GABRG2: variants seen among roughly 807,000 people sequenced by gnomAD.
GABRG2 encodes gamma-aminobutyric acid type A receptor subunit gamma2, also known as gamma-aminobutyric acid receptor subunit gamma-2.
A neutral mutation model predicts 56.4 loss-of-function variants in GABRG2; 16 were observed. The observed-to-expected ratio is 0.28, with a 90% CI of 0.19 to 0.43. The LOEUF is 0.43. Among genes scored for constraint, GABRG2 ranks in the 20% least tolerant of loss-of-function variants. The probability of loss-of-function intolerance (pLI) is 1.00; values close to 1 mark genes in which losing one functional copy is unlikely to be tolerated. For missense variants in GABRG2, 327 were observed against 582.7 expected, an observed-to-expected ratio of 0.56 and a Z score of 4.52; for synonymous variants, 208 against 205.5, an observed-to-expected ratio of 1.01 and a Z score of -0.10.
intron 7 of GABRG2, among the ~76,000 whole-genome samples, chr5:162,147,505 C>T (rs1765052758): frequency 6.6e-6 from 1 of 152,068 alleles, no homozygotes; most frequent in East Asian, 1.9e-4. Context: ...GCTGGGATTA[C>T]AGGCACCCAC....
intron 2 of GABRG2, 191 bp downstream of exon 2, chr5:162,094,170 A>C: frequency 1.7e-6 from 1 of 601,610 alleles, no homozygotes; most frequent in Admixed American, 3.0e-5. Flanking sequence ...CAAAATGAAG[A>C]AATATTATTT....
At chr5:162,119,058 G>A (rs1185484712) in intron 6 of GABRG2, among the ~76,000 whole-genome samples, 1 of 152,054 alleles carries the variant, frequency 6.6e-6, no homozygotes, top group African/African-American at 2.4e-5. Flanking sequence ...AGTCCTTTAA[G>A]TCATTTGAGA....
rs1449910263 is a variant in GABRG2 at position 162,103,985 on chromosome 5, T to C, written c.728T>C (p.Val243Ala). The stretch of plus-strand genomic sequence containing the variant: ...TGGAGGCTTTATCAATTCTCATTTG[T>C]TGGTCTAAGAAATACCACCGAAGTA... The part of the protein sequence containing the change: ...RSWRLYQFSF[V>A]GLRNTTEVVK... Residue 243 changes from valine (V) to alanine (A), a missense_variant, in exon 6 of 10, where the codon GTT (valine) becomes GCT (alanine). Coordinates refer to ENST00000639213, the MANE Select transcript of GABRG2 (RefSeq NM_198904.4). The C allele has an allele frequency of 1.2e-6, 2 of 1,614,056 alleles. No individual in the cohort carries two copies. Among genetic ancestry groups the C allele is most frequent in the South Asian group, 1.1e-5 (1 of 91,078 alleles).
intron 7 of GABRG2, among the ~76,000 whole-genome samples, chr5:162,146,164 C>T (rs1669339225): frequency 6.6e-6 from 1 of 152,000 alleles, no homozygotes; most frequent in Non-Finnish European, 1.5e-5. Context: ...CCCATATCAC[C>T]TCCCCAGTCA....
At chr5:162,128,770 C>T (rs1374778138) in intron 6 of GABRG2, among the ~76,000 whole-genome samples, 3 of 151,968 alleles carry the variant, frequency 2.0e-5, no homozygotes, top group African/African-American at 7.2e-5. Context: ...ATTCTGTGGT[C>T]ATGGTTATCC....
chr5:162,148,034 T>A (rs1765091452), intron 7 of GABRG2, among the ~76,000 whole-genome samples: 1 of 152,204 alleles, frequency 6.6e-6, no homozygotes, highest in Admixed American at 6.5e-5. Flanking sequence ...TGAATCCATT[T>A]TGCCTTTAGT....
chr5:162,104,925 T>C (rs903416610), intron 6 of GABRG2, among the ~76,000 whole-genome samples: 3 of 152,328 alleles, frequency 2.0e-5, no homozygotes, highest in African/African-American at 7.2e-5. Context: ...GCAATGTTGC[T>C]TATATCCTCT....
At chr5:162,086,326 G>A (rs1285588656) in intron 1 of GABRG2, among the ~76,000 whole-genome samples, 1 of 151,988 alleles carries the variant, frequency 6.6e-6, no homozygotes, top group African/African-American at 2.4e-5. Context: ...CTTGCCAAAT[G>A]CCCAACACTT....
intron 6 of GABRG2, among the ~76,000 whole-genome samples, chr5:162,138,219 C>T (rs1459272252): frequency 6.6e-6 from 1 of 152,106 alleles, no homozygotes; most frequent in African/African-American, 2.4e-5. Context: ...TTTATATTCA[C>T]TCATAAATTT....
chr5:162,145,504 A>G (rs1462399980), intron 7 of GABRG2, among the ~76,000 whole-genome samples: 7 of 152,186 alleles, frequency 4.6e-5, no homozygotes, highest in Non-Finnish European at 8.8e-5. Context: ...AGGAGACAAT[A>G]TAAACCATCC....
At chr5:162,077,180 C>T (rs927243908) in intron 1 of GABRG2, among the ~76,000 whole-genome samples, 3 of 150,190 alleles carry the variant, frequency 2.0e-5, no homozygotes, top group Admixed American at 1.3e-4. Context: ...CTCTCCAATC[C>T]CTGCTTGCCC....
intron 1 of GABRG2, among the ~76,000 whole-genome samples, chr5:162,087,650 T>G (rs1760233935): frequency 6.6e-6 from 1 of 152,004 alleles, no homozygotes; most frequent in Non-Finnish European, 1.5e-5. Context: ...ATTCTAAGAT[T>G]TTGAATACGT....
intron 1 of GABRG2, among the ~76,000 whole-genome samples, chr5:162,078,286 C>T (rs987899991): frequency 2.1e-4 from 31 of 145,948 alleles, no homozygotes; most frequent in African/African-American, 7.9e-4. Flanking sequence ...TAGTGTTATG[C>T]CACATTAAAA....
chr5:162,125,994 C>T (rs1245985312), intron 6 of GABRG2, among the ~76,000 whole-genome samples: 1 of 151,848 alleles, frequency 6.6e-6, no homozygotes, highest in African/African-American at 2.4e-5. Flanking sequence ...CTTGAGTATG[C>T]CATTGAAGAG....
At chr5:162,099,317 A>G (rs1248793507) in intron 4 of GABRG2, 1 of 152,056 alleles carries the variant, frequency 6.6e-6, no homozygotes, top group African/African-American at 2.4e-5. Flanking sequence ...CACCCGCTGG[A>G]GTGCAGTGGC....
At chr5:162,122,924 C>A (rs916873623) in intron 6 of GABRG2, among the ~76,000 whole-genome samples, 1 of 151,416 alleles carries the variant, frequency 6.6e-6, no homozygotes, top group African/African-American at 2.4e-5. Context: ...TTTGTTGATT[C>A]TTGTTTATGT....
At chr5:162,134,603 G>T (rs370617210) in intron 6 of GABRG2, among the ~76,000 whole-genome samples, 1 of 152,126 alleles carries the variant, frequency 6.6e-6, no homozygotes, top group Non-Finnish European at 1.5e-5. Flanking sequence ...GACAGGATTC[G>T]AATTTTGAAC....
intron 9 of GABRG2, 90 bp from the exon 10 acceptor site, chr5:162,153,003 C>A: frequency 1.4e-6 from 2 of 1,458,792 alleles, no homozygotes; most frequent in South Asian, 1.1e-5. Context: ...TTTTCAGATT[C>A]ATCATCACAT....
intron 6 of GABRG2, among the ~76,000 whole-genome samples, chr5:162,109,391 T>TTA (rs1762081119): frequency 6.1e-5 from 1 of 16,392 alleles, no homozygotes; most frequent in Non-Finnish European, 1.8e-4. Context: ...TAAAGTATAA[T>TTA]ATATATATAT....
Sources: gnomAD v4.1 joint callset for allele counts (sites outside exome capture counted in the v4.1 genomes callset) on GRCh38, gnomAD v4.1.1 for gene constraint, MANE v1.5 for transcripts, NCBI Gene and HGNC (gene_info 2026-07-23, HGNC 2026-07-21) for gene names.